CTNNB1: variants seen among roughly 807,000 people sequenced by gnomAD.
CTNNB1 encodes the protein catenin beta-1.
CTNNB1 carries 6 observed loss-of-function variants against 82.5 expected under a neutral mutation model. That is an observed-to-expected ratio of 0.07 (90% CI 0.04 to 0.14). The LOEUF is 0.14. Ranked by LOEUF, CTNNB1 falls within the 10% of genes least tolerant of loss-of-function variation. The pLI, the probability that CTNNB1 is intolerant of heterozygous loss-of-function variation, is 1.00. For synonymous variants in CTNNB1, 312 were observed against 329.7 expected (o/e 0.95, Z 0.58); for missense variants, 529 against 980.4 (o/e 0.54, Z 6.15).
chr3:41,221,747 T>C (rs766509819), intron 1 of CTNNB1: 1 of 152,192 alleles, frequency 6.6e-6, no homozygotes, highest in Non-Finnish European at 1.5e-5. Flanking sequence ...TGCATGATTG[T>C]ACTTCATAAT....
rs1221051501 is a variant in CTNNB1 at position 41,214,196 on chromosome 3, GCAGCAT to G, written c.-48-9820_-48-9815del. 2.6e-5 allele frequency among the ~76,000 whole-genome samples: 4 copies of G among 152,222 alleles called. No individual in the cohort carries two copies. The East Asian group carries it at 5.8e-4, about 22-fold the overall frequency. On this transcript the variant is annotated intron_variant, in intron 1 of 14. Transcript: ENST00000349496. ...TAGCTATGGTCCTTAGCTATGGGGA[GCAGCAT>G]CAGCGACCTGTGACATGTAAATTAA...
At chr3:41,224,860 G>A (rs2125618965) in intron 3 of CTNNB1, 94 bp from the exon 4 acceptor site, 3 of 1,601,548 alleles carry the variant, frequency 1.9e-6, no homozygotes, top group Non-Finnish European at 2.6e-6. Flanking sequence ...GAAGAAAAGA[G>A]AGTAATAGCA....
intron 1 of CTNNB1, among the ~76,000 whole-genome samples, chr3:41,215,400 A>C (rs1003184393): frequency 4.6e-5 from 7 of 150,548 alleles, no homozygotes; most frequent in Non-Finnish European, 7.4e-5. Context: ...AAAAAAAAAA[A>C]AAAACACTCT....
chr3:41,212,724 A>G (rs1321661885), intron 1 of CTNNB1, among the ~76,000 whole-genome samples: 1 of 152,208 alleles, frequency 6.6e-6, no homozygotes, highest in African/African-American at 2.4e-5. Flanking sequence ...ACAGTTTTAG[A>G]AACTCCTGTT....
At chr3:41,237,946 A>G (rs2078478450) in intron 13 of CTNNB1, 70 bp from the exon 14 acceptor site, 2 of 1,325,286 alleles carry the variant, frequency 1.5e-6, no homozygotes, top group East Asian at 2.3e-5. Flanking sequence ...TGCTTTAAAA[A>G]AAATTAGTGT....
rs2125640041 is a variant in CTNNB1 at position 41,233,734 on chromosome 3, C to A, written c.1391C>A (p.Ala464Asp). The change falls in exon 9 of 15, where the codon GCC becomes GAC. Residue 464 changes from alanine (A) to aspartate (D), a missense_variant. Coordinates refer to ENST00000349496, the MANE Select transcript of CTNNB1 (RefSeq NM_001904.4). ...AGDREDITEP[A>D]ICALRHLTSR... ...GACAGGGAAGACATCACTGAGCCTG[C>A]CATCTGTGCTCTTCGTCATCTGACC... is the stretch of plus-strand genomic sequence containing the variant. The A allele has an allele frequency of 6.2e-7, 1 of 1,614,112 alleles. No homozygotes were observed. The highest frequency in any genetic ancestry group is 8.5e-7 in the Non-Finnish European group (1 of 1,180,002).
chr3:41,202,076 A>C (rs1324506833), intron 1 of CTNNB1, among the ~76,000 whole-genome samples: 3 of 152,214 alleles, frequency 2.0e-5, no homozygotes, highest in African/African-American at 4.8e-5. Context: ...AGGGATGTAG[A>C]GAATTAAAAG....
Position 41,239,609 on chromosome 3 carries a change from G to A in CTNNB1, c.*267G>A, listed in dbSNP as rs2078526136. On this transcript the variant is annotated 3_prime_UTR_variant, in exon 15 of 15. Transcript: ENST00000349496. ...CTTTTGCAACTTAATACTCAAATGA[G>A]TAACATTTGCTGTTTTAAACATTAA... 1.9e-6 allele frequency: 1 copy of A among 518,490 alleles called. No homozygotes were observed. Among genetic ancestry groups the A allele is most frequent in the Non-Finnish European group, 3.5e-6 (1 of 285,528 alleles). The allele number at this position is 518,490 out of a possible 1,614,324, so 32.1% of individuals were successfully genotyped here.
intron 7 of CTNNB1, among the ~76,000 whole-genome samples, chr3:41,230,745 A>C (rs1325885995): frequency 1.3e-5 from 2 of 152,132 alleles, no homozygotes; most frequent in Non-Finnish European, 2.9e-5. Context: ...TGTCTATATG[A>C]GAAGTGAGGG....
At chr3:41,234,435 A>C (rs1484410441) in intron 10 of CTNNB1, 138 bp downstream of exon 10, 20 of 856,040 alleles carry the variant, frequency 2.3e-5, no homozygotes, top group Admixed American at 1.6e-4. Context: ...ATAAATAAAT[A>C]ATTACACATT....
At chr3:41,222,726 G>T (rs1459901677) in intron 1 of CTNNB1, among the ~76,000 whole-genome samples, 1 of 152,178 alleles carries the variant, frequency 6.6e-6, no homozygotes, top group East Asian at 1.9e-4. Context: ...CTGGAAGCCG[G>T]ATGTATCAAA....
Position 41,239,663 on chromosome 3 carries a change from T to C in CTNNB1, c.*321T>C. 1 of 448,592 alleles carries C rather than the reference T, an allele frequency of 2.2e-6. No homozygotes were observed. Among genetic ancestry groups the C allele is most frequent in the Non-Finnish European group, 4.1e-6 (1 of 241,474 alleles). The allele number at this position is 448,592 out of a possible 1,614,324, so 27.8% of individuals were successfully genotyped here. A position where few individuals can be genotyped will look rare whatever the true frequency, so the allele number is the denominator to read the frequency against. The stretch of plus-strand genomic sequence containing the variant: ...CAGCCTTTCTCTCTTTATACAGCTG[T>C]ATTGTCTGAACTTGCATTGTGATTG... On this transcript the variant is annotated 3_prime_UTR_variant, in exon 15 of 15. Transcript: ENST00000349496.
intron 1 of CTNNB1, among the ~76,000 whole-genome samples, chr3:41,218,680 C>T (rs1196000527): frequency 3.3e-5 from 5 of 152,136 alleles, no homozygotes; most frequent in South Asian, 4.1e-4. Context: ...GGGACTACAG[C>T]GGCATATGCC....
Position 41,227,210 on chromosome 3 carries a change from C to A in CTNNB1, c.939C>A (p.Leu313=), listed in dbSNP as rs2078196820. Residue 313 remains leucine (L), a splice_region_variant and synonymous_variant, in exon 7 of 15, where the codon CTC becomes CTA. Coordinates refer to ENST00000349496, the MANE Select transcript of CTNNB1 (RefSeq NM_001904.4). ...ILAYGNQESK[L]IILASGGPQA... ...GATATATATATATATCTTTCTAGCTCATCATACTGGCTAGTGGTGGACCCC... is the reference window on the plus strand; with the variant it reads ...GATATATATATATATCTTTCTAGCTAATCATACTGGCTAGTGGTGGACCCC... The A allele has an allele frequency of 6.2e-7, 1 of 1,609,100 alleles. No homozygotes were observed. Among genetic ancestry groups the A allele is most frequent in the Non-Finnish European group, 8.5e-7 (1 of 1,175,564 alleles).
chr3:41,219,736 G>A (rs1259818037), intron 1 of CTNNB1, among the ~76,000 whole-genome samples: 1 of 152,170 alleles, frequency 6.6e-6, no homozygotes, highest in Admixed American at 6.5e-5. Flanking sequence ...GTATTGTGGA[G>A]CTATGCATGA....
At position 41,239,006 on chromosome 3, in the gene CTNNB1, T is replaced by C. The variant is rs2078507778; in HGVS notation, c.2138-128T>C. 1.1e-5 allele frequency: 9 copies of C among 811,402 alleles called. No individual in the cohort carries two copies. The South Asian group carries it at 1.3e-4, about 11-fold the overall frequency. 50.3% of individuals were successfully genotyped at this position (811,402 alleles called of 1,614,324 possible). On this transcript the variant is annotated intron_variant, in intron 14 of 14. Coordinates refer to ENST00000349496, the MANE Select transcript of CTNNB1 (RefSeq NM_001904.4). ...TGGAGGTTGAAGAGGCTAGAAAGCG[T>C]TGTTTTCTGACAAGTTTGCTGCTGA...
intron 1 of CTNNB1, among the ~76,000 whole-genome samples, chr3:41,214,946 A>G (rs2077880310): frequency 6.6e-6 from 1 of 152,172 alleles, no homozygotes; most frequent in African/African-American, 2.4e-5. Context: ...AGTAGTTGTG[A>G]CAAAGAGTTT....
intron 1 of CTNNB1, among the ~76,000 whole-genome samples, chr3:41,211,905 A>C (rs892730530): frequency 2.0e-5 from 3 of 152,234 alleles, no homozygotes; most frequent in African/African-American, 7.2e-5. Flanking sequence ...CATGGTAGCC[A>C]GAGTAACCCT....
Position 41,240,077 on chromosome 3 carries a change from A to G in CTNNB1, c.*735A>G, listed in dbSNP as rs969600009. 1.7e-5 allele frequency: 3 copies of G among 179,980 alleles called. No individual in the cohort carries two copies. The highest frequency in any genetic ancestry group is 1.6e-4 in the East Asian group (2 of 12,816). The allele number at this position is 179,980 out of a possible 1,614,324, so 11.1% of individuals were successfully genotyped here. On this transcript the variant is annotated 3_prime_UTR_variant, in exon 15 of 15. Coordinates refer to ENST00000349496, the MANE Select transcript of CTNNB1 (RefSeq NM_001904.4). ...AGTGAATACTGCTACAGCAATTTCT[A>G]ATTTTTAAGAATTGAGTAATGGTGT...
Sources: gnomAD v4.1 joint callset for allele counts (sites outside exome capture counted in the v4.1 genomes callset) on GRCh38, gnomAD v4.1.1 for gene constraint, MANE v1.5 for transcripts, NCBI Gene and HGNC (gene_info 2026-07-23, HGNC 2026-07-21) for gene names.